Variants in ZNF81 observed in about 807,000 individuals in gnomAD.
ZNF81 encodes zinc finger protein 81.
Under a neutral mutation model 32.3 loss-of-function variants are expected in ZNF81, and 5 were observed. The ratio of observed to expected loss-of-function variants is 0.15; its 90% CI spans 0.08 to 0.33. ZNF81 has a LOEUF of 0.33. Among genes scored for constraint, ZNF81 ranks in the 10% least tolerant of loss-of-function variants. The pLI is 1.00. For missense variants in ZNF81, 379 were observed against 479.8 expected, an observed-to-expected ratio of 0.79 and a Z score of 1.96; for synonymous variants, 163 against 166.8, an observed-to-expected ratio of 0.98 and a Z score of 0.17.
chrX:47,901,843 A>G (rs1322528052), intron 4 of ZNF81, among the ~76,000 whole-genome samples: 1 of 111,012 alleles, frequency 9.0e-6, no homozygotes, highest in African/African-American at 3.3e-5. Flanking sequence ...TGGAAATTTC[A>G]TGCCTGCTCT....
At chrX:47,895,559 A>C in intron 3 of ZNF81, among the ~76,000 whole-genome samples, 1 of 111,623 alleles carries the variant, frequency 9.0e-6, no homozygotes, top group Non-Finnish European at 1.9e-5. Flanking sequence ...CTTTAGACAT[A>C]AGAGACAATA....
chrX:47,909,325 C>T (rs781800706), intron 4 of ZNF81, among the ~76,000 whole-genome samples: 1 of 111,691 alleles, frequency 9.0e-6, no homozygotes, highest in South Asian at 3.7e-4. Context: ...CTAGTATCTG[C>T]TGTCCATTTA....
intron 1 of ZNF81, among the ~76,000 whole-genome samples, chrX:47,843,569 C>A (rs1221937967): frequency 9.0e-6 from 1 of 111,515 alleles, no homozygotes; most frequent in Non-Finnish European, 1.9e-5. Flanking sequence ...GTCATCCAGG[C>A]TGGACTGCAG....
intron 2 of ZNF81, 90 bp from the exon 3 acceptor site, chrX:47,887,909 T>C: frequency 1.8e-6 from 2 of 1,111,193 alleles, no homozygotes; most frequent in Non-Finnish European, 2.5e-6. Context: ...TATATTATGA[T>C]GAAAAAGTAT....
rs1486794260 is a variant in ZNF81, at chrX:47,923,692, G to T, written c.*7060G>T. Reference sequence around the variant, plus strand: ...TCACCATGAAGCAATTTTTCTCATAGAAAAATATCAAGCCATTGGACTAGA... The same window carrying T: ...TCACCATGAAGCAATTTTTCTCATATAAAAATATCAAGCCATTGGACTAGA... On this transcript the variant is annotated 3_prime_UTR_variant, in exon 5 of 5. Transcript: ENST00000338637. 8.9e-6 allele frequency among the ~76,000 whole-genome samples: 1 copy of T among 111,972 alleles called. No individual in the cohort carries two copies. The highest frequency in any genetic ancestry group is 3.2e-5 in the African/African-American group (1 of 30,785).
At chrX:47,865,598 C>A (rs2058557014) in intron 2 of ZNF81, among the ~76,000 whole-genome samples, 1 of 111,570 alleles carries the variant, frequency 9.0e-6, no homozygotes, top group Non-Finnish European at 1.9e-5. Flanking sequence ...GGACAGCATC[C>A]TCCACTGCCT....
chrX:47,899,657 G>A (rs1556887674), intron 4 of ZNF81, among the ~76,000 whole-genome samples: 3 of 111,213 alleles, frequency 2.7e-5, no homozygotes, highest in African/African-American at 9.8e-5. Flanking sequence ...AATACTTTGT[G>A]TGAGATTATT....
At chrX:47,847,918 ATT>A (rs58155003) in intron 2 of ZNF81, among the ~76,000 whole-genome samples, 1 of 100,086 alleles carries the variant, frequency 1.0e-5, no homozygotes. Context: ...ATTAGAAATA[ATT>A]TTTTTTTTTT....
intron 2 of ZNF81, among the ~76,000 whole-genome samples, chrX:47,857,404 T>C (rs2058521712): frequency 8.9e-6 from 1 of 112,595 alleles, no homozygotes; most frequent in East Asian, 2.8e-4. Flanking sequence ...TACATAAATA[T>C]GTTTAAAGAG....
At chrX:47,914,872 T>TC in intron 4 of ZNF81, 52 bp from the exon 5 acceptor site, 1 of 1,116,810 alleles carries the variant, frequency 9.0e-7, no homozygotes, top group Non-Finnish European at 1.2e-6. Context: ...TACCTTTTAA[T>TC]CTCTTGCGGT....
At chrX:47,914,865 C>T in intron 4 of ZNF81, 59 bp from the exon 5 acceptor site, 4 of 1,086,553 alleles carry the variant, frequency 3.7e-6, no homozygotes, top group Non-Finnish European at 5.0e-6. Flanking sequence ...TTATGTGTAC[C>T]TTTTAATCTC....
chrX:47,839,867 G>A (rs1283120763), intron 1 of ZNF81, among the ~76,000 whole-genome samples: 3 of 111,133 alleles, frequency 2.7e-5, no homozygotes, highest in African/African-American at 9.8e-5. Context: ...ATGTGGCTCC[G>A]GACAGCTTGG....
At chrX:47,904,631 C>G (rs1227674605) in intron 4 of ZNF81, among the ~76,000 whole-genome samples, 12 of 111,602 alleles carry the variant, frequency 1.1e-4, no homozygotes, top group African/African-American at 3.3e-4. Context: ...TAAACTAGTT[C>G]AACCATTGTG....
Position 47,918,982 on chromosome X carries a change from G to A in ZNF81, c.*2350G>A. ...GTGTATGTTGGGGGGCATGTAACTTGTCATTTAGCTCACAGGTATCTGGAT... is the reference window on the plus strand; with the variant it reads ...GTGTATGTTGGGGGGCATGTAACTTATCATTTAGCTCACAGGTATCTGGAT... On this transcript the variant is annotated 3_prime_UTR_variant, in exon 5 of 5. Transcript: ENST00000338637. The A allele has an allele frequency of 3.9e-6, 1 of 258,647 alleles. No individual in the cohort carries two copies. The highest frequency in any genetic ancestry group is 3.8e-5 in the South Asian group (1 of 26,474). The allele number at this position is 258,647 out of a possible 1,213,427, so 21.3% of individuals were successfully genotyped here.
intron 2 of ZNF81, among the ~76,000 whole-genome samples, chrX:47,850,685 G>T (rs1026030748): frequency 9.5e-6 from 1 of 105,209 alleles, no homozygotes; most frequent in Non-Finnish European, 2.0e-5. Flanking sequence ...GTGGTAATTA[G>T]GTTGGTATTT....
chrX:47,882,414 G>A (rs2058624612), intron 2 of ZNF81, among the ~76,000 whole-genome samples: 1 of 111,891 alleles, frequency 8.9e-6, no homozygotes, highest in South Asian at 3.7e-4. Context: ...TTGTAAAATA[G>A]CATAATGCTT....
chrX:47,841,520 C>T (rs2058449244), intron 1 of ZNF81: 11 of 963,897 alleles, frequency 1.1e-5, no homozygotes, highest in East Asian at 6.1e-5. Flanking sequence ...ACGTTTCTGC[C>T]GCCAGGAATC....
chrX:47,881,802 G>T (rs904431319), intron 2 of ZNF81, among the ~76,000 whole-genome samples: 2 of 110,026 alleles, frequency 1.8e-5, no homozygotes, highest in Non-Finnish European at 3.8e-5. Flanking sequence ...TAGAGTCAGG[G>T]TCTCACTCTG....
At chrX:47,904,782 T>C (rs2058714113) in intron 4 of ZNF81, among the ~76,000 whole-genome samples, 1 of 111,998 alleles carries the variant, frequency 8.9e-6, no homozygotes, top group Non-Finnish European at 1.9e-5. Flanking sequence ...ATTGCAGCAC[T>C]ATTCACAATA....
Sources: gnomAD v4.1 joint callset for allele counts (sites outside exome capture counted in the v4.1 genomes callset) on GRCh38, gnomAD v4.1.1 for gene constraint, MANE v1.5 for transcripts, NCBI Gene and HGNC (gene_info 2026-07-23, HGNC 2026-07-21) for gene names.